SDC3: variants seen among roughly 807,000 people sequenced by gnomAD.
The protein encoded by SDC3 is syndecan 3.
In SDC3, 13 loss-of-function variants were observed where a neutral mutation model predicts 24.4. The observed-to-expected ratio is 0.53, with a 90% CI of 0.35 to 0.85. The LOEUF (loss-of-function observed/expected upper bound fraction) is 0.85. Ranked by LOEUF, SDC3 falls within the 40% of genes least tolerant of loss-of-function variation. The probability of loss-of-function intolerance (pLI) is 0.01; values close to 1 mark genes in which losing one functional copy is unlikely to be tolerated. For synonymous variants in SDC3, 295 were observed against 260.9 expected (o/e 1.13, Z -1.26); for missense variants, 571 against 584.5 (o/e 0.98, Z 0.24).
chr1:30,901,574 T>G (rs965367914), intron 1 of SDC3, among the ~76,000 whole-genome samples: 3 of 152,160 alleles, frequency 2.0e-5, no homozygotes, highest in Non-Finnish European at 2.9e-5. Context: ...CCACGGACCC[T>G]AGAATGTGCT....
chr1:30,883,809 A>G (rs1278158923), intron 1 of SDC3, among the ~76,000 whole-genome samples: 1 of 152,110 alleles, frequency 6.6e-6, no homozygotes, highest in African/African-American at 2.4e-5. Flanking sequence ...TCAGAGAGGT[A>G]AAGTGATTTG....
At chr1:30,883,161 C>A (rs1570004502) in intron 1 of SDC3, among the ~76,000 whole-genome samples, 1 of 152,238 alleles carries the variant, frequency 6.6e-6, no homozygotes, top group East Asian at 1.9e-4. Context: ...GCCAAGGCCA[C>A]ACAGCAGGGG....
At chr1:30,895,904 G>A (rs1639992807) in intron 1 of SDC3, among the ~76,000 whole-genome samples, 1 of 152,130 alleles carries the variant, frequency 6.6e-6, no homozygotes, top group East Asian at 1.9e-4. Context: ...GACGGAGGAG[G>A]AGATGGAGAG....
chr1:30,874,662 T>TG lies in SDC3; in HGVS notation c.871-75dup, dbSNP rs1028352183. On this transcript the variant is annotated intron_variant, in intron 3 of 4. Transcript: ENST00000339394. Reference sequence around the variant, plus strand: ...ACCCCCCACCACCATCCTACTGCCCTGGGGGGCTAACACTTAGCACTCCCT... The same window carrying TG: ...ACCCCCCACCACCATCCTACTGCCCTGGGGGGGCTAACACTTAGCACTCCCT... 2.6e-5 allele frequency: 37 copies of TG among 1,435,296 alleles called. No homozygotes were observed. The South Asian group carries it at 3.7e-4, about 14-fold the overall frequency. The allele number at this position is 1,435,296 out of a possible 1,614,324, so 88.9% of individuals were successfully genotyped here. A position where few individuals can be genotyped will look rare whatever the true frequency, so the allele number is the denominator to read the frequency against.
At chr1:30,909,330 G>A (rs938183010), upstream of SDC3, among the ~76,000 whole-genome samples, 10 of 152,186 alleles carry the variant, frequency 6.6e-5, no homozygotes, top group African/African-American at 2.4e-4. Flanking sequence ...GACCATGGGG[G>A]TGGTCACTTC....
rs759112640 is a variant in SDC3 at position 30,877,122 on chromosome 1, G to A, written c.300C>T (p.Ser100=). The A allele has an allele frequency of 2.5e-5, 40 of 1,613,886 alleles. No individual in the cohort carries two copies. The highest frequency in any genetic ancestry group is 8.9e-5 in the East Asian group (4 of 44,872). The change falls in exon 3 of 5, where the codon AGC becomes AGT. Residue 100 remains serine (S), a synonymous_variant. Transcript: ENST00000339394. ...ESGIETAMRF[S]PDVALAVSTT... is the part of the protein sequence containing the mutation. Reference sequence around the variant, plus strand: ...TGGACACCGCCAGGGCTACATCTGGGCTGAAGCGCATGGCTGTCTCAATGC... The same window carrying A: ...TGGACACCGCCAGGGCTACATCTGGACTGAAGCGCATGGCTGTCTCAATGC...
chr1:30,878,521 C>T, intron 2 of SDC3, 102 bp downstream of exon 2: 2 of 883,204 alleles, frequency 2.3e-6, no homozygotes, highest in East Asian at 2.4e-5. Context: ...CAGTGAATGC[C>T]CCCTGCCTCA....
Position 30,873,363 on chromosome 1 carries a change from C to T in SDC3, c.1177G>A (p.Gly393Arg), listed in dbSNP as rs1339319543. ...KEVLVAVIVG[G>R]VVGALFAAFL... Reference sequence around the variant, plus strand: ...GCAGCAAAGAGGGCGCCCACCACCCCGCCCACAATCACAGCTGTGGAAGAA... The same window carrying T: ...GCAGCAAAGAGGGCGCCCACCACCCTGCCCACAATCACAGCTGTGGAAGAA... The change falls in exon 5 of 5, where the codon GGG (glycine) becomes AGG (arginine). Residue 393 changes from glycine to arginine, a missense_variant. Transcript: ENST00000339394. 4 of 1,613,624 alleles carry T rather than the reference C, an allele frequency of 2.5e-6. No individual in the cohort carries two copies. Among genetic ancestry groups the T allele is most frequent in the Admixed American group, 3.3e-5 (2 of 59,994 alleles).
chr1:30,874,989 T>G (rs574148609), intron 3 of SDC3, among the ~76,000 whole-genome samples: 1 of 152,306 alleles, frequency 6.6e-6, no homozygotes, highest in South Asian at 2.1e-4. Flanking sequence ...TGGGTGCAGA[T>G]GCTATGGATG....
intron 1 of SDC3, among the ~76,000 whole-genome samples, chr1:30,905,047 C>CA (rs1367187830): frequency 7.2e-5 from 11 of 152,312 alleles, no homozygotes; most frequent in Admixed American, 2.6e-4. Flanking sequence ...CAGCATACAG[C>CA]TGTGGTGTCC....
intron 3 of SDC3, 140 bp downstream of exon 3, chr1:30,876,412 G>A: frequency 1.6e-6 from 1 of 629,214 alleles, no homozygotes; most frequent in Non-Finnish European, 2.5e-6. Flanking sequence ...TCTGTCCCTT[G>A]GTCCTGCCCC....
chr1:30,893,179 G>A lies in SDC3; in HGVS notation c.139-14439C>T, dbSNP rs550290882. ...GGAAGGTGCAGGGTCAGGGGAATCGGCCCATGCAATCTCTGTGCACCTCCA... is the reference window on the plus strand; with the variant it reads ...GGAAGGTGCAGGGTCAGGGGAATCGACCCATGCAATCTCTGTGCACCTCCA... On this transcript the variant is annotated intron_variant, in intron 1 of 4. Transcript: ENST00000339394. Among the ~76,000 whole-genome samples, 4 of 151,764 alleles carry A rather than the reference G, an allele frequency of 2.6e-5. No homozygotes were observed. The South Asian group carries it at 8.3e-4, about 31-fold the overall frequency.
intron 2 of SDC3, chr1:30,878,286 T>C (rs1426563267): frequency 8.3e-6 from 2 of 241,252 alleles, no homozygotes; most frequent in Non-Finnish European, 1.6e-5. Context: ...ATCACTGCCC[T>C]AACCCCACCA....
chr1:30,909,506 C>T (rs1445004000), upstream of SDC3, among the ~76,000 whole-genome samples: 4 of 152,190 alleles, frequency 2.6e-5, no homozygotes, highest in Non-Finnish European at 5.9e-5. Context: ...GAGAAAAGTA[C>T]ATCTCTGAGT....
At chr1:30,894,253 GTA>G (rs896392897) in intron 1 of SDC3, among the ~76,000 whole-genome samples, 14 of 100,834 alleles carry the variant, frequency 1.4e-4, no homozygotes, top group South Asian at 9.7e-4. Context: ...GTGTGGATGA[GTA>G]TGTGTGTGTG....
intron 1 of SDC3, among the ~76,000 whole-genome samples, chr1:30,890,017 A>T (rs1639883453): frequency 2.0e-5 from 3 of 152,202 alleles, no homozygotes; most frequent in African/African-American, 7.2e-5. Flanking sequence ...AAGAAAAAAA[A>T]ACTAATACTG....
chr1:30,873,684 G>A (rs1032155846), intron 4 of SDC3, among the ~76,000 whole-genome samples: 2 of 152,064 alleles, frequency 1.3e-5, no homozygotes, highest in African/African-American at 4.8e-5. Flanking sequence ...TTTTATAACT[G>A]CTAGGAAAGA....
intron 1 of SDC3, among the ~76,000 whole-genome samples, chr1:30,905,025 G>A (rs1191221158): frequency 6.6e-6 from 1 of 152,142 alleles, no homozygotes; most frequent in African/African-American, 2.4e-5. Flanking sequence ...TGGTACCTTG[G>A]GAGCTAACAG....
rs768206424 is a variant in SDC3 at position 30,876,557 on chromosome 1, C to T, written c.865G>A (p.Ala289Thr). The T allele has an allele frequency of 9.2e-6, 14 of 1,515,240 alleles. No homozygotes were observed. Among genetic ancestry groups the T allele is most frequent in the Non-Finnish European group, 1.2e-5 (14 of 1,132,534 alleles). The allele number at this position is 1,515,240 out of a possible 1,614,324, so 93.9% of individuals were successfully genotyped here. ...TCCCTTCTCAACACCCTCACCTGAG[C>T]CACCTCTGTGGGTCCAGGGGCAGTG... Reference protein sequence around the residue: ...GTTAPGPTEVAQTPTPETFLT... With the variant: ...GTTAPGPTEVTQTPTPETFLT... The change falls in exon 3 of 5, where the codon GCT (alanine) becomes ACT (threonine). Residue 289 changes from alanine to threonine, a missense_variant. This residue lies in a region of SDC3 where 497 missense variants were observed against 471.6 expected (regional missense o/e 1.05). Transcript: ENST00000339394.
Sources: allele counts gnomAD v4.1 joint callset (sites outside exome capture counted in the v4.1 genomes callset), GRCh38; gene constraint gnomAD v4.1.1; regional missense constraint gnomAD v4.1.1; transcripts MANE v1.5; gene names NCBI Gene and HGNC (gene_info 2026-07-23, HGNC 2026-07-21).